Variants in SLC25A13 observed in about 807,000 individuals in gnomAD.
The protein encoded by SLC25A13 is solute carrier family 25 member 13, also known as electrogenic aspartate/glutamate antiporter SLC25A13, mitochondrial.
Under a neutral mutation model 85.5 loss-of-function variants are expected in SLC25A13, and 70 were observed. The observed-to-expected ratio is 0.82, with a 90% confidence interval of 0.68 to 1.00. SLC25A13 has a LOEUF of 1.00. Ranked by LOEUF, SLC25A13 falls within the 50% of genes least tolerant of loss-of-function variation. The pLI is 0.00. For synonymous variants in SLC25A13, 259 were observed against 288.7 expected (o/e 0.90, Z 1.04); for missense variants, 765 against 819.8 (o/e 0.93, Z 0.82).
rs1798313020 is a variant in SLC25A13 at position 96,273,241 on chromosome 7, G to A, written c.212+3955C>T. The stretch of plus-strand genomic sequence containing the variant: ...CCTGGATTTCAAAAGTCAATATCAC[G>A]AAAAACAATATAATATTTCTGTTCT... On this transcript the variant is annotated intron_variant, in intron 3 of 17. Transcript: ENST00000265631. Among the ~76,000 whole-genome samples, 3 of 151,948 alleles carry A rather than the reference G, an allele frequency of 2.0e-5. 1 individual carries two copies. The highest frequency in any genetic ancestry group is 2.4e-5 in the African/African-American group (1 of 41,344).
chr7:96,250,428 C>A (rs943783013), intron 3 of SLC25A13, among the ~76,000 whole-genome samples: 10 of 152,156 alleles, frequency 6.6e-5, no homozygotes. Context: ...CTTAACTCTA[C>A]GGCAGAAGGC....
intron 13 of SLC25A13, among the ~76,000 whole-genome samples, chr7:96,165,851 A>C (rs964163756): frequency 6.6e-6 from 1 of 152,182 alleles, no homozygotes; most frequent in Non-Finnish European, 1.5e-5. Flanking sequence ...CTGTGTCTGT[A>C]TTGTTGTGTT....
At chr7:96,257,035 G>A (rs577996323) in intron 3 of SLC25A13, among the ~76,000 whole-genome samples, 17 of 152,166 alleles carry the variant, frequency 1.1e-4, no homozygotes, top group African/African-American at 2.6e-4. Context: ...AAGACACAAC[G>A]TACCAGAATC....
At position 96,120,779 on chromosome 7, in the gene SLC25A13, G is replaced by T; in HGVS notation, c.*412C>A. 1 of 456,556 alleles carries T rather than the reference G, an allele frequency of 2.2e-6. No homozygotes were observed. The highest frequency in any genetic ancestry group is 4.4e-6 in the Non-Finnish European group (1 of 228,476). 28.3% of individuals were successfully genotyped at this position (456,556 alleles called of 1,614,324 possible). On this transcript the variant is annotated 3_prime_UTR_variant, in exon 18 of 18. Transcript: ENST00000265631. ...CAGTGTTTTTTATTTTTATAAATATGCACCTAGTTTCCTACCAGTTTAAAA... is the reference window on the plus strand; with the variant it reads ...CAGTGTTTTTTATTTTTATAAATATTCACCTAGTTTCCTACCAGTTTAAAA...
intron 1 of SLC25A13, among the ~76,000 whole-genome samples, chr7:96,314,780 G>A (rs994639814): frequency 2.6e-5 from 4 of 152,130 alleles, no homozygotes; most frequent in South Asian, 2.1e-4. Flanking sequence ...AGAGCTCCTC[G>A]GACAATCTTC....
At chr7:96,142,791 A>C (rs1432077112) in intron 14 of SLC25A13, among the ~76,000 whole-genome samples, 1 of 152,174 alleles carries the variant, frequency 6.6e-6, no homozygotes, top group South Asian at 2.1e-4. Context: ...AAAAAAATCA[A>C]TCTCTCTTTG....
chr7:96,153,630 A>G (rs1793135762), intron 13 of SLC25A13, among the ~76,000 whole-genome samples: 1 of 152,256 alleles, frequency 6.6e-6, no homozygotes, highest in African/African-American at 2.4e-5. Flanking sequence ...ACTGTAGAAG[A>G]TAAATTACTA....
intron 4 of SLC25A13, among the ~76,000 whole-genome samples, chr7:96,230,768 G>A (rs1269527309): frequency 6.6e-6 from 1 of 152,170 alleles, no homozygotes; most frequent in Non-Finnish European, 1.5e-5. Flanking sequence ...ACTGAAACTG[G>A]ACCCCTTCCT....
chr7:96,302,923 G>A (rs1799604139), intron 1 of SLC25A13, among the ~76,000 whole-genome samples: 1 of 152,186 alleles, frequency 6.6e-6, no homozygotes, highest in African/African-American at 2.4e-5. Context: ...AAGAACCACA[G>A]CTTTAGATAA....
chr7:96,280,085 TGCAGTCAGA>T (rs1236616048), intron 2 of SLC25A13, among the ~76,000 whole-genome samples: 1 of 152,184 alleles, frequency 6.6e-6, no homozygotes, highest in Non-Finnish European at 1.5e-5. Context: ...TTGTCATCAC[TGCAGTCAGA>T]GATGTTTCAG....
rs1372580155 is a variant in SLC25A13 at position 96,194,491 on chromosome 7, A to C, written c.469-1308T>G. ...AAGGAACACCAACAGGGCTCTCAAA[A>C]ACTTCAAATTATTTGAATATAATGG... On this transcript the variant is annotated intron_variant, in intron 5 of 17. Transcript: ENST00000265631. 2.7e-5 allele frequency among the ~76,000 whole-genome samples: 4 copies of C among 148,380 alleles called. No homozygotes were observed. The East Asian group carries it at 8.1e-4, about 30-fold the overall frequency.
At chr7:96,172,273 T>C (rs1237741656) in intron 11 of SLC25A13, among the ~76,000 whole-genome samples, 1 of 152,064 alleles carries the variant, frequency 6.6e-6, no homozygotes, top group Non-Finnish European at 1.5e-5. Context: ...GAAAGATCAA[T>C]GAGGCCAGGC....
intron 3 of SLC25A13, among the ~76,000 whole-genome samples, chr7:96,244,697 T>A (rs571550330): frequency 6.6e-6 from 1 of 152,176 alleles, no homozygotes; most frequent in African/African-American, 2.4e-5. Flanking sequence ...CTGGAGTGCA[T>A]GTGTTCTGAG....
chr7:96,146,816 C>A (rs1303743648), intron 13 of SLC25A13, 120 bp from the exon 14 acceptor site: 7 of 1,233,274 alleles, frequency 5.7e-6, no homozygotes, highest in Admixed American at 1.8e-5. Flanking sequence ...GTAGTTTCAG[C>A]CCTTGTCCCA....
At chr7:96,173,962 C>T (rs948626691) in intron 11 of SLC25A13, among the ~76,000 whole-genome samples, 1 of 152,090 alleles carries the variant, frequency 6.6e-6, no homozygotes, top group African/African-American at 2.4e-5. Flanking sequence ...ATGGGTGGAG[C>T]AAGGAAAGCA....
chr7:96,213,085 C>G (rs552113452), intron 4 of SLC25A13, among the ~76,000 whole-genome samples: 2 of 152,294 alleles, frequency 1.3e-5, no homozygotes, highest in African/African-American at 4.8e-5. Flanking sequence ...CACATTTTCT[C>G]CAAAAATATT....
chr7:96,184,979 A>G lies in SLC25A13; in HGVS notation c.966T>C (p.Leu322=), dbSNP rs113850932. ...KASGDSARPV[L]LQVAESAYRF... ...TGTAGGCCGACTCTGCAACTTGTAG[A>G]AGAACTGGTCGAGCTGAATCACCTG... Residue 322 remains leucine, a synonymous_variant, in exon 10 of 18, where the codon CTT becomes CTC. Coordinates refer to ENST00000265631, the MANE Select transcript of SLC25A13 (RefSeq NM_014251.3). 1 of 1,614,210 alleles carries G rather than the reference A, an allele frequency of 6.2e-7. No homozygotes were observed.
At chr7:96,228,524 T>A (rs1796401052) in intron 4 of SLC25A13, among the ~76,000 whole-genome samples, 1 of 152,212 alleles carries the variant, frequency 6.6e-6, no homozygotes, top group Non-Finnish European at 1.5e-5. Flanking sequence ...GGCATGAGTG[T>A]TAACTGGTAC....
intron 4 of SLC25A13, among the ~76,000 whole-genome samples, chr7:96,229,129 G>T (rs545338439): frequency 2.6e-5 from 4 of 152,230 alleles, no homozygotes; most frequent in Non-Finnish European, 4.4e-5. Flanking sequence ...AGCTCCGCCC[G>T]CAGCCCCAGT....
Sources: allele counts gnomAD v4.1 joint callset (sites outside exome capture counted in the v4.1 genomes callset), GRCh38; gene constraint gnomAD v4.1.1; transcripts MANE v1.5; gene names NCBI Gene and HGNC (gene_info 2026-07-23, HGNC 2026-07-21).